IQUB: variants seen among roughly 807,000 people sequenced by gnomAD.
IQUB encodes the protein IQ motif and ubiquitin domain containing, also known as IQ motif and ubiquitin-like domain-containing protein.
Under a neutral mutation model 86.4 loss-of-function variants are expected in IQUB, and 86 were observed. The observed-to-expected ratio is 1.00, with a 90% CI of 0.84 to 1.19. The LOEUF (loss-of-function observed/expected upper bound fraction) is 1.19. Ranked by LOEUF, IQUB falls within the 50% of genes most tolerant of loss-of-function variation. IQUB has a pLI of 0.00. For missense variants in IQUB, 946 were observed against 916.9 expected (o/e 1.03, Z -0.41); for synonymous variants, 289 against 304.5 (o/e 0.95, Z 0.53).
chr7:123,502,630 T>A lies in IQUB; in HGVS notation c.990A>T (p.Ser330=), dbSNP rs756569921. 7 of 1,612,178 alleles carry A rather than the reference T, an allele frequency of 4.3e-6. No homozygotes were observed. The East Asian group carries it at 1.6e-4, about 36-fold the overall frequency. ...GTCTTTGAGCATGGTATTCTGCTGC[T>A]GAAAAATACTTTCCTGGTGTTACCA... is the stretch of plus-strand genomic sequence containing the variant. ...DKLVTPGKYF[S]AAEYHAQRLK... The change falls in exon 6 of 13, where the codon TCA becomes TCT. Residue 330 remains serine (S), a synonymous_variant. Coordinates refer to ENST00000324698, the MANE Select transcript of IQUB (RefSeq NM_178827.5).
At chr7:123,471,781 G>A (rs1161253452) in intron 8 of IQUB, among the ~76,000 whole-genome samples, 1 of 152,082 alleles carries the variant, frequency 6.6e-6, no homozygotes, top group Non-Finnish European at 1.5e-5. Flanking sequence ...ACTATAGTTT[G>A]AAACAATTAT....
intron 2 of IQUB, among the ~76,000 whole-genome samples, chr7:123,511,615 A>T (rs1796416883): frequency 6.6e-6 from 1 of 152,176 alleles, no homozygotes; most frequent in Non-Finnish European, 1.5e-5. Context: ...GGCATGTAAA[A>T]TAATTCCCAT....
intron 6 of IQUB, chr7:123,501,003 G>A (rs959045169): frequency 2.6e-5 from 4 of 152,074 alleles, no homozygotes; most frequent in Non-Finnish European, 5.9e-5. Flanking sequence ...ATCTCATTGA[G>A]GAGCAATGAT....
chr7:123,527,896 G>T (rs1296109635), intron 1 of IQUB, among the ~76,000 whole-genome samples: 4 of 152,226 alleles, frequency 2.6e-5, no homozygotes, highest in Non-Finnish European at 5.9e-5. Context: ...GAGCAATGGC[G>T]GGCGCCCCTC....
chr7:123,471,873 A>T (rs1794537870), intron 8 of IQUB, among the ~76,000 whole-genome samples: 1 of 152,192 alleles, frequency 6.6e-6, no homozygotes, highest in Non-Finnish European at 1.5e-5. Context: ...ACAGGCAATG[A>T]AATTTGGATC....
intron 1 of IQUB, among the ~76,000 whole-genome samples, chr7:123,513,567 T>C (rs917110732): frequency 6.6e-6 from 1 of 152,338 alleles, no homozygotes; most frequent in African/African-American, 2.4e-5. Context: ...CATAAAATGT[T>C]TGCCAGCTTC....
intron 1 of IQUB, among the ~76,000 whole-genome samples, chr7:123,523,197 A>C (rs374308364): frequency 2.0e-5 from 3 of 151,136 alleles, no homozygotes; most frequent in Admixed American, 6.6e-5. Flanking sequence ...AGCATGATTT[A>C]TAGTCCTTTG....
Position 123,503,130 on chromosome 7 carries a change from C to T in IQUB, c.695-14G>A. The T allele has an allele frequency of 4.3e-6, 7 of 1,609,838 alleles. No individual in the cohort carries two copies. The highest frequency in any genetic ancestry group is 5.9e-6 in the Non-Finnish European group (7 of 1,178,340). ...ATTGATCAAGTCCTGAGAGATAACA[C>T]CAAGATTCAATGAAAGCTCAACCAA... On this transcript the variant is annotated splice_polypyrimidine_tract_variant and intron_variant, in intron 4 of 12. Transcript: ENST00000324698.
At chr7:123,460,106 G>C (rs935994448) in intron 11 of IQUB, among the ~76,000 whole-genome samples, 2 of 151,884 alleles carry the variant, frequency 1.3e-5, no homozygotes, top group African/African-American at 4.8e-5. Context: ...CTGGGAATCA[G>C]ACTGCCTAGT....
chr7:123,460,423 C>T (rs1007287607), intron 11 of IQUB, among the ~76,000 whole-genome samples: 10 of 151,506 alleles, frequency 6.6e-5, no homozygotes, highest in Non-Finnish European at 1.5e-5. Context: ...TTTTTAATCT[C>T]TATAAAGTTT....
intron 1 of IQUB, among the ~76,000 whole-genome samples, chr7:123,526,164 A>G (rs1562878821): frequency 6.6e-6 from 1 of 151,810 alleles, no homozygotes; most frequent in Non-Finnish European, 1.5e-5. Context: ...GGTGCTGAAA[A>G]AAATGTATAT....
intron 8 of IQUB, among the ~76,000 whole-genome samples, chr7:123,475,250 CAG>C (rs1794696120): frequency 6.6e-6 from 1 of 152,034 alleles, no homozygotes; most frequent in Admixed American, 6.6e-5. Context: ...CAGGATCCTT[CAG>C]AGTCTCAAAT....
intron 7 of IQUB, among the ~76,000 whole-genome samples, chr7:123,492,380 T>G (rs149636350): frequency 2.0e-4 from 30 of 152,270 alleles, no homozygotes; most frequent in African/African-American, 7.0e-4. Context: ...TATTTCAAAC[T>G]GGATGTTATA....
At chr7:123,504,116 T>C (rs981371714) in intron 3 of IQUB, among the ~76,000 whole-genome samples, 3 of 152,182 alleles carry the variant, frequency 2.0e-5, no homozygotes, top group Admixed American at 6.5e-5. Context: ...CTTTCTCACA[T>C]TGCTATAAAA....
In IQUB at chr7:123,461,337, G is replaced by C. The variant is rs1284232796; in HGVS notation, c.2007+20C>G. 6.3e-7 allele frequency: 1 copy of C among 1,581,148 alleles called. No homozygotes were observed. Among genetic ancestry groups the C allele is most frequent in the Non-Finnish European group, 8.6e-7 (1 of 1,160,196 alleles). On this transcript the variant is annotated intron_variant, in intron 11 of 12. Transcript: ENST00000324698. Reference sequence around the variant, plus strand: ...CCTTGACAAGCTTCAGCTATAATTGGCACCCCTTATTGACCATACCTGCAT... The same window carrying C: ...CCTTGACAAGCTTCAGCTATAATTGCCACCCCTTATTGACCATACCTGCAT...
intron 6 of IQUB, 78 bp downstream of exon 6, chr7:123,502,519 T>G: frequency 7.8e-7 from 1 of 1,280,126 alleles, no homozygotes; most frequent in Non-Finnish European, 1.1e-6. Context: ...AAATGTGGCT[T>G]GGAGAAAGAG....
chr7:123,453,331 C>T (rs916449234), intron 12 of IQUB, among the ~76,000 whole-genome samples: 8 of 137,758 alleles, frequency 5.8e-5, no homozygotes, highest in African/African-American at 2.3e-4. Context: ...AAAATAAAAA[C>T]AAAACAAAAC....
chr7:123,484,928 G>A (rs761618718), intron 7 of IQUB, among the ~76,000 whole-genome samples: 1 of 151,924 alleles, frequency 6.6e-6, no homozygotes, highest in Non-Finnish European at 1.5e-5. Flanking sequence ...TAGTAACAAA[G>A]AATAGAAAAA....
At chr7:123,470,730 A>G (rs1188379350) in intron 8 of IQUB, among the ~76,000 whole-genome samples, 1 of 152,028 alleles carries the variant, frequency 6.6e-6, no homozygotes, top group Non-Finnish European at 1.5e-5. Context: ...GGACACCTGT[A>G]GTCCCAGCTA....
Sources: gnomAD v4.1 joint callset for allele counts (sites outside exome capture counted in the v4.1 genomes callset) on GRCh38, gnomAD v4.1.1 for gene constraint, MANE v1.5 for transcripts, NCBI Gene and HGNC (gene_info 2026-07-23, HGNC 2026-07-21) for gene names.